The following AP3B2 variants were observed in gnomAD, a reference collection of about 807,000 sequenced individuals.
AP3B2 encodes AP-3 complex subunit beta-2.
A neutral mutation model predicts 126.9 loss-of-function variants in AP3B2; 50 were observed. The observed-to-expected ratio is 0.39, with a 90% CI of 0.31 to 0.50. AP3B2 has a LOEUF of 0.50. Among genes scored for constraint, AP3B2 ranks in the 20% least tolerant of loss-of-function variants. AP3B2 has a pLI of 0.79. For missense variants in AP3B2, 1,177 were observed against 1,426.4 expected (o/e 0.83, Z 2.82); for synonymous variants, 541 against 565.0 (o/e 0.96, Z 0.60).
chr15:82,708,342 A>T (rs1425877199), intron 1 of AP3B2, among the ~76,000 whole-genome samples: 4 of 152,118 alleles, frequency 2.6e-5, no homozygotes, highest in African/African-American at 9.6e-5. Context: ...CACCCAAGTG[A>T]TTAAAAAGCT....
At chr15:82,692,985 G>A (rs1326575454) in intron 1 of AP3B2, among the ~76,000 whole-genome samples, 2 of 151,586 alleles carry the variant, frequency 1.3e-5, no homozygotes, top group African/African-American at 4.8e-5. Flanking sequence ...AAAATCAGTA[G>A]GTAAGAACTC....
At chr15:82,662,400 TC>T in intron 23 of AP3B2, 148 bp from the exon 24 acceptor site, 1 of 707,632 alleles carries the variant, frequency 1.4e-6, no homozygotes, top group Non-Finnish European at 2.4e-6. Flanking sequence ...TGGAGACTGT[TC>T]CCGGTTTCCT....
chr15:82,679,940 C>T, intron 9 of AP3B2, 140 bp from the exon 10 acceptor site: 5 of 932,258 alleles, frequency 5.4e-6, no homozygotes, highest in South Asian at 4.5e-5. Flanking sequence ...AGTCTTCCCT[C>T]GTCCATCTCA....
intron 1 of AP3B2, among the ~76,000 whole-genome samples, chr15:82,690,639 CTTCT>C (rs2048511765): frequency 1.3e-4 from 13 of 103,452 alleles, no homozygotes; most frequent in Admixed American, 4.9e-4. Context: ...ACATTTTCTT[CTTCT>C]TTTTTTTTTT....
chr15:82,707,478 C>T (rs1474842476), intron 1 of AP3B2, among the ~76,000 whole-genome samples: 1 of 152,184 alleles, frequency 6.6e-6, no homozygotes, highest in Non-Finnish European at 1.5e-5. Context: ...ACTAGTCATA[C>T]TCCTATTCAC....
chr15:82,659,295 T>G lies in AP3B2; in HGVS notation c.*265A>C. 2.5e-6 allele frequency: 1 copy of G among 403,500 alleles called. No individual in the cohort carries two copies. The highest frequency in any genetic ancestry group is 4.5e-6 in the Non-Finnish European group (1 of 223,588). 25.0% of individuals were successfully genotyped at this position (403,500 alleles called of 1,614,324 possible). ...GAGCCAGCAGCTAGAGAGAAGACAT[T>G]TTATTGAGCCTGCTACATAAATAGC... On this transcript the variant is annotated 3_prime_UTR_variant, in exon 27 of 27. Coordinates refer to ENST00000535359, the MANE Select transcript of AP3B2 (RefSeq NM_001278512.2).
intron 10 of AP3B2, among the ~76,000 whole-genome samples, chr15:82,678,675 G>A (rs780752262): frequency 3.9e-5 from 6 of 152,082 alleles, no homozygotes; most frequent in Non-Finnish European, 5.9e-5. Flanking sequence ...CATATCCTCC[G>A]GGAAAACTTC....
At chr15:82,670,069 CAAA>C (rs779045948) in intron 14 of AP3B2, among the ~76,000 whole-genome samples, 1 of 36,424 alleles carries the variant, frequency 2.7e-5, no homozygotes, top group Admixed American at 5.7e-4. Context: ...ACTCCGTCTC[CAAA>C]AAAAAAAAAA....
chr15:82,662,713 G>C lies in AP3B2; in HGVS notation c.2814C>G (p.Ile938Met). 2 of 1,613,366 alleles carry C rather than the reference G, an allele frequency of 1.2e-6. No homozygotes were observed. Among genetic ancestry groups the C allele is most frequent in the Non-Finnish European group, 1.7e-6 (2 of 1,179,612 alleles). ...TCGCACCAATTTCGGGAAATTCTTG[G>C]ATGCTGATGCCAGCAGGCAGTTTGG... is the stretch of plus-strand genomic sequence containing the variant. ...GTPKLPAGIS[I>M]QEFPEIESLA... is the part of the protein sequence containing the mutation. The change falls in exon 23 of 27, where the codon ATC (isoleucine) becomes ATG (methionine). Residue 938 changes from isoleucine to methionine, a missense_variant. This residue lies in a region of AP3B2 where 587 missense variants were observed against 571.3 expected (regional missense o/e 1.03). Transcript: ENST00000535359.
chr15:82,666,801 T>TG lies in AP3B2; in HGVS notation c.1797dup (p.Lys600GlnfsTer33). On this transcript the variant is annotated frameshift_variant, in exon 15 of 27. Coordinates refer to ENST00000535359, the MANE Select transcript of AP3B2 (RefSeq NM_001278512.2). LOFTEE classifies it high-confidence loss of function. The stretch of plus-strand genomic sequence containing the variant: ...GGTTTGGGTGCCAGGAAGAGCTTCT[T>TG]GGCATGGCGGCTGAGGGCCCCACCC... 1 of 1,614,008 alleles carries TG rather than the reference T, an allele frequency of 6.2e-7. No homozygotes were observed. Among genetic ancestry groups the TG allele is most frequent in the Non-Finnish European group, 8.5e-7 (1 of 1,179,892 alleles).
At chr15:82,686,218 A>G (rs1040308564) in intron 4 of AP3B2, 2 of 152,230 alleles carry the variant, frequency 1.3e-5, no homozygotes, top group Non-Finnish European at 2.9e-5. Flanking sequence ...CCAACTGTAC[A>G]AAGACAGGAT....
chr15:82,680,886 CTGA>C lies in AP3B2; in HGVS notation c.719_721del (p.Ile240del). On this transcript the variant is annotated inframe_deletion, in exon 7 of 27. Transcript: ENST00000535359. The surrounding 1 kb of genome is among the most constrained non-coding windows in gnomAD (Gnocchi z 6.1). ...CGTGCGGGCGTAGCGGGTGAGCATG[CTGA>C]TGATGACCACCTGGCCCCACTCCTC... 6.2e-7 allele frequency: 1 copy of C among 1,613,890 alleles called. No homozygotes were observed. The highest frequency in any genetic ancestry group is 1.3e-5 in the African/African-American group (1 of 75,024).
chr15:82,691,784 C>A, intron 1 of AP3B2: 1 of 1,551,398 alleles, frequency 6.4e-7, no homozygotes, highest in Non-Finnish European at 8.9e-7. Flanking sequence ...TGGAGAGTCA[C>A]GGCCCCTTGA....
Position 82,704,503 on chromosome 15 carries a change from C to A in AP3B2, c.113+5091G>T, listed in dbSNP as rs143340112. ...GCAGCAGTCAAGCATTCCTACAGGA[C>A]CTTCTCCATCAGGATCTTGCTTCAA... On this transcript the variant is annotated intron_variant, in intron 1 of 26. Transcript: ENST00000535359. Among the ~76,000 whole-genome samples the A allele has an allele frequency of 6.7e-3, 1,014 of 152,330 alleles. 10 individuals carry two copies. The highest frequency in any genetic ancestry group is 0.023 in the African/African-American group (945 of 41,578).
chr15:82,685,340 G>C (rs2048408994), intron 4 of AP3B2: 1 of 152,138 alleles, frequency 6.6e-6, no homozygotes, highest in South Asian at 2.1e-4. Flanking sequence ...GCAATATCTG[G>C]CAATATCTGC....
intron 1 of AP3B2, among the ~76,000 whole-genome samples, chr15:82,695,182 CTCCA>C (rs2048613843): frequency 1.3e-5 from 2 of 151,388 alleles, no homozygotes; most frequent in African/African-American, 4.9e-5. Flanking sequence ...TCACTGCAGC[CTCCA>C]CCTTCTGGGT....
intron 14 of AP3B2, among the ~76,000 whole-genome samples, chr15:82,673,082 A>G (rs2048184440): frequency 6.6e-6 from 1 of 152,244 alleles, no homozygotes; most frequent in African/African-American, 2.4e-5. Flanking sequence ...TGAATTCTCG[A>G]CCCATAGACA....
Position 82,691,722 on chromosome 15 carries a change from C to G in AP3B2, c.114-2269G>C. 3.9e-6 allele frequency: 6 copies of G among 1,540,596 alleles called. No homozygotes were observed. The South Asian group carries it at 7.4e-5, about 19-fold the overall frequency. On this transcript the variant is annotated intron_variant, in intron 1 of 26. Coordinates refer to ENST00000535359, the MANE Select transcript of AP3B2 (RefSeq NM_001278512.2). ...TAAAGAAAAAATTCCCATCACCTGT[C>G]TCAGTAGGGCCTGAAAGGAGAGAAG...
Position 82,665,105 on chromosome 15 carries a change from G to A in AP3B2, c.2028+142C>T. 1 of 1,061,184 alleles carries A rather than the reference G, an allele frequency of 9.4e-7. No homozygotes were observed. The highest frequency in any genetic ancestry group is 1.4e-6 in the Non-Finnish European group (1 of 723,860). The allele number at this position is 1,061,184 out of a possible 1,614,324, so 65.7% of individuals were successfully genotyped here. ...AAGAAAGGGGCACTGTCCATGGAGG[G>A]GAGGGAATGCTGCTCACAGAGGAGC... On this transcript the variant is annotated intron_variant, in intron 17 of 26. Coordinates refer to ENST00000535359, the MANE Select transcript of AP3B2 (RefSeq NM_001278512.2). The surrounding 1 kb of genome is among the most constrained non-coding windows in gnomAD (Gnocchi z 4.4).
Sources: gnomAD v4.1 joint callset for allele counts (sites outside exome capture counted in the v4.1 genomes callset) on GRCh38, gnomAD v4.1.1 for gene constraint, gnomAD v4.1.1 regional missense constraint, Gnocchi (gnomAD v3.1) non-coding constraint, MANE v1.5 for transcripts, NCBI Gene and HGNC (gene_info 2026-07-23, HGNC 2026-07-21) for gene names.